The following LRRC4C variants were observed in gnomAD, a reference collection of about 807,000 sequenced individuals.
LRRC4C encodes leucine rich repeat containing 4C, also known as leucine-rich repeat-containing protein 4C.
A neutral mutation model predicts 33.6 loss-of-function variants in LRRC4C; 5 were observed. The observed-to-expected ratio is 0.15, with a 90% CI of 0.08 to 0.31. The LOEUF (loss-of-function observed/expected upper bound fraction) is 0.31, where lower values mean the gene tolerates loss of function less well. Ranked by LOEUF, LRRC4C falls within the 10% of genes least tolerant of loss-of-function variation. The pLI is 1.00. For missense variants in LRRC4C, 560 were observed against 796.7 expected (o/e 0.70, Z 3.58); for synonymous variants, 329 against 302.0 (o/e 1.09, Z -0.93).
At chr11:40,557,015 A>G (rs1957358138) in intron 3 of LRRC4C, among the ~76,000 whole-genome samples, 1 of 152,062 alleles carries the variant, frequency 6.6e-6, no homozygotes, top group Non-Finnish European at 1.5e-5. Flanking sequence ...ATCTGTAAAA[A>G]CAAAGCAAGA....
chr11:40,665,324 AAATATATATATATATATATATATATATAT>A (rs1227660089), intron 2 of LRRC4C, among the ~76,000 whole-genome samples: 3 of 10,310 alleles, frequency 2.9e-4, no homozygotes, highest in Non-Finnish European at 3.7e-4. Flanking sequence ...AAAAAAAAAA[AAATATATATATATATATATATATATATAT>A]ATATATATAT....
intron 1 of LRRC4C, among the ~76,000 whole-genome samples, chr11:41,247,710 C>T (rs1315264913): frequency 6.6e-6 from 1 of 152,132 alleles, no homozygotes; most frequent in Non-Finnish European, 1.5e-5. Flanking sequence ...AACAACAAAC[C>T]ATTTTCCAGT....
At chr11:41,224,529 T>G (rs769197613) in intron 1 of LRRC4C, among the ~76,000 whole-genome samples, 1 of 152,182 alleles carries the variant, frequency 6.6e-6, no homozygotes, top group Non-Finnish European at 1.5e-5. Context: ...ATATTTGAAT[T>G]CCTAAGGAAG....
At chr11:41,317,497 C>T (rs1950831256) in intron 1 of LRRC4C, among the ~76,000 whole-genome samples, 1 of 152,108 alleles carries the variant, frequency 6.6e-6, no homozygotes, top group African/African-American at 2.4e-5. Context: ...ACCCTACTTC[C>T]ATTCCCTCTC....
Position 41,101,309 on chromosome 11 carries a change from G to GA in LRRC4C, c.-495-167587dup, listed in dbSNP as rs1002003513. 5.1e-4 allele frequency among the ~76,000 whole-genome samples: 77 copies of GA among 151,466 alleles called. 1 individual carries two copies. The highest frequency in any genetic ancestry group is 6.5e-4 in the Non-Finnish European group (44 of 67,754). On this transcript the variant is annotated intron_variant, in intron 1 of 6. Transcript: ENST00000528697. Reference sequence around the variant, plus strand: ...ATCTATAAGGAAGTTAAATTTACAAGAAAAAAAACCATTTAAAAGTGGACA... The same window carrying GA: ...ATCTATAAGGAAGTTAAATTTACAAGAAAAAAAAACCATTTAAAAGTGGACA...
intron 6 of LRRC4C, among the ~76,000 whole-genome samples, chr11:40,131,405 C>T (rs761803435): frequency 1.1e-4 from 16 of 152,002 alleles, no homozygotes; most frequent in East Asian, 1.9e-4. Context: ...TTGAAAATGA[C>T]GGTTTAGGGT....
intron 5 of LRRC4C, among the ~76,000 whole-genome samples, chr11:40,228,650 C>G (rs1864980403): frequency 6.6e-6 from 1 of 152,204 alleles, no homozygotes; most frequent in South Asian, 2.1e-4. Flanking sequence ...TAACAATGAT[C>G]CCTTGCTTGT....
At chr11:40,391,231 C>A (rs556172431) in intron 3 of LRRC4C, among the ~76,000 whole-genome samples, 9 of 152,214 alleles carry the variant, frequency 5.9e-5, no homozygotes, top group African/African-American at 2.2e-4. Context: ...CAAATATCAG[C>A]AACATTTCTG....
chr11:40,453,925 A>G (rs1033619139), intron 3 of LRRC4C, among the ~76,000 whole-genome samples: 3 of 152,188 alleles, frequency 2.0e-5, no homozygotes, highest in Admixed American at 6.5e-5. Context: ...ACACATTTTA[A>G]ATGAGTAAAT....
At chr11:41,139,500 T>C (rs879510745) in intron 1 of LRRC4C, among the ~76,000 whole-genome samples, 1 of 152,148 alleles carries the variant, frequency 6.6e-6, no homozygotes, top group Non-Finnish European at 1.5e-5. Context: ...AAACGGGCAA[T>C]GAACGATGGT....
At chr11:40,817,370 G>C (rs1014987583) in intron 2 of LRRC4C, among the ~76,000 whole-genome samples, 3 of 152,174 alleles carry the variant, frequency 2.0e-5, no homozygotes, top group African/African-American at 7.2e-5. Context: ...AAAGCTGAGA[G>C]TAATTAGTAG....
At chr11:40,722,476 A>G (rs1007285081) in intron 2 of LRRC4C, among the ~76,000 whole-genome samples, 1 of 152,208 alleles carries the variant, frequency 6.6e-6, no homozygotes, top group Non-Finnish European at 1.5e-5. Context: ...ACCTGTCTAC[A>G]ACCAAGAAAC....
chr11:40,546,088 T>A (rs201611553), intron 3 of LRRC4C, among the ~76,000 whole-genome samples: 6 of 11,586 alleles, frequency 5.2e-4, no homozygotes, highest in African/African-American at 7.6e-4. Flanking sequence ...CTTCCTACCT[T>A]CCTTCCTTCC....
chr11:41,344,565 A>G (rs1951745167), intron 1 of LRRC4C, among the ~76,000 whole-genome samples: 2 of 138,432 alleles, frequency 1.4e-5, no homozygotes, highest in South Asian at 4.6e-4. Flanking sequence ...ATTATTTTCC[A>G]TTTTTATAGT....
At chr11:41,206,540 T>TGTG (rs1946609824) in intron 1 of LRRC4C, among the ~76,000 whole-genome samples, 1 of 152,332 alleles carries the variant, frequency 6.6e-6, no homozygotes, top group South Asian at 2.1e-4. Flanking sequence ...CTGTATCTAC[T>TGTG]GTGACCTTAA....
chr11:40,508,348 A>C (rs1955140627), intron 3 of LRRC4C, among the ~76,000 whole-genome samples: 1 of 152,142 alleles, frequency 6.6e-6, no homozygotes, highest in South Asian at 2.1e-4. Flanking sequence ...AATCATATAA[A>C]ACACAAAAAA....
rs749499572 is a variant in LRRC4C, at chr11:41,037,574, T to TCTCACACACACA, written c.-495-103852_-495-103851insTGTGTGTGTGAG. On this transcript the variant is annotated intron_variant, in intron 1 of 6. Transcript: ENST00000528697. The stretch of plus-strand genomic sequence containing the variant: ...CTGAACTTTCTTACTTCTTTTCCTT[T>TCTCACACACACA]CACACACACACACACACACACACAC... Among the ~76,000 whole-genome samples the TCTCACACACACA allele has an allele frequency of 7.2e-4, 108 of 148,966 alleles. 1 individual carries two copies. In the South Asian group the frequency reaches 0.02, roughly 28 times the overall value.
intron 3 of LRRC4C, among the ~76,000 whole-genome samples, chr11:40,590,980 C>T (rs1959025487): frequency 6.6e-6 from 1 of 152,164 alleles, no homozygotes; most frequent in Admixed American, 6.5e-5. Context: ...GGCAGGCAGG[C>T]CTCCTTGAGC....
chr11:41,280,305 T>C (rs1949621778), intron 1 of LRRC4C, among the ~76,000 whole-genome samples: 1 of 152,182 alleles, frequency 6.6e-6, no homozygotes, highest in African/African-American at 2.4e-5. Flanking sequence ...AAGTGGACCC[T>C]TAGCTGCAGA....
Sources: allele counts gnomAD v4.1 joint callset (sites outside exome capture counted in the v4.1 genomes callset), GRCh38; gene constraint gnomAD v4.1.1; transcripts MANE v1.5; gene names NCBI Gene and HGNC (gene_info 2026-07-23, HGNC 2026-07-21).